The following PLXND1 variants were observed in gnomAD, a reference collection of about 807,000 sequenced individuals.
The protein encoded by PLXND1 is plexin D1.
In PLXND1, 54 loss-of-function variants were observed where a neutral mutation model predicts 197.7. That is an observed-to-expected ratio of 0.27 (90% confidence interval 0.22 to 0.34). The LOEUF is 0.34. PLXND1 is among the 10% of genes least tolerant of loss of function. PLXND1 has a pLI of 1.00. For synonymous variants in PLXND1, 1,180 were observed against 1,161.2 expected (o/e 1.02, Z -0.33); for missense variants, 2,127 against 2,699.2 (o/e 0.79, Z 4.70).
In PLXND1 at chr3:129,567,615, C is replaced by CACGG. The variant is rs1275383388; in HGVS notation, c.3974-15_3974-12dup. The CACGG allele has an allele frequency of 6.2e-7, 1 of 1,602,932 alleles. No homozygotes were observed. Among genetic ancestry groups the CACGG allele is most frequent in the African/African-American group, 1.3e-5 (1 of 74,614 alleles). ...GCAGCTCAGCGAAGCCTGGCGGACA[C>CACGG]ACGGACAGCCGTGAGCGGCCCGAGA... On this transcript the variant is annotated splice_polypyrimidine_tract_variant and intron_variant, in intron 21 of 35. Transcript: ENST00000324093.
chr3:129,561,757 G>T, intron 28 of PLXND1, 43 bp downstream of exon 28: 1 of 1,538,530 alleles, frequency 6.5e-7, no homozygotes, highest in Non-Finnish European at 8.9e-7. Flanking sequence ...GTTGGGGTGG[G>T]GGCATGAGGG....
chr3:129,606,164 A>G lies in PLXND1; in HGVS notation c.476T>C (p.Val159Ala). The G allele has an allele frequency of 6.5e-7, 1 of 1,532,152 alleles. No individual in the cohort carries two copies. The highest frequency in any genetic ancestry group is 8.7e-7 in the Non-Finnish European group (1 of 1,146,300). The allele number at this position is 1,532,152 out of a possible 1,614,324, so 94.9% of individuals were successfully genotyped here. The change falls in exon 1 of 36, where the codon GTG (valine) becomes GCG (alanine). Residue 159 changes from valine (V) to alanine (A), a missense_variant. Physicochemically the swap from Val to Ala is moderately conservative, Grantham distance 64. Around this residue, in one of 6 missense-constraint regions of PLXND1, gnomAD observed 245 missense variants for 267.1 expected, o/e 0.92. Coordinates refer to ENST00000324093, the MANE Select transcript of PLXND1 (RefSeq NM_015103.3). Reference protein sequence around the residue: ...QLRRRGNISAVAVRFPPAAPP... With the variant: ...QLRRRGNISAAAVRFPPAAPP... ...CGCGGCGGGCGGGAAGCGCACGGCC[A>G]CGGCCGAGATGTTGCCCCGGCGCCG...
At chr3:129,602,923 G>A (rs2085731921) in intron 1 of PLXND1, among the ~76,000 whole-genome samples, 1 of 152,160 alleles carries the variant, frequency 6.6e-6, no homozygotes, top group African/African-American at 2.4e-5. Context: ...AAGTTCCTTG[G>A]CCAAGGTCAC....
At chr3:129,561,506 G>A (rs1296952052) in intron 29 of PLXND1, 140 bp downstream of exon 29, 8 of 638,330 alleles carry the variant, frequency 1.3e-5, no homozygotes, top group Non-Finnish European at 1.9e-5. Flanking sequence ...GAGGAGGCTG[G>A]CCCCGCCCAG....
Position 129,561,788 on chromosome 3 carries a change from G to A in PLXND1, c.4929+12C>T. The A allele has an allele frequency of 1.4e-6, 2 of 1,450,564 alleles. No individual in the cohort carries two copies. Among genetic ancestry groups the A allele is most frequent in the Non-Finnish European group, 1.9e-6 (2 of 1,033,514 alleles). The allele number at this position is 1,450,564 out of a possible 1,614,324, so 89.9% of individuals were successfully genotyped here. ...GAGGGTGGGGAAATGGGGGCGGGGG[G>A]CAGGGCTGCACCTTGTAATGGGCCA... On this transcript the variant is annotated intron_variant, in intron 28 of 35. Transcript: ENST00000324093.
intron 5 of PLXND1, among the ~76,000 whole-genome samples, chr3:129,585,482 G>A (rs544753442): frequency 1.3e-5 from 2 of 152,318 alleles, no homozygotes; most frequent in African/African-American, 4.8e-5. Flanking sequence ...TTTCTGAGAA[G>A]GAGAAATTTC....
intron 2 of PLXND1, 41 bp downstream of exon 2, chr3:129,589,310 T>TGCCCCCCCCACCC: frequency 2.0e-6 from 1 of 501,294 alleles, no homozygotes; most frequent in Non-Finnish European, 3.8e-6. Flanking sequence ...CAGGGGAGCC[T>TGCCCCCCCCACCC]CCCACCCCCA....
chr3:129,601,376 C>T (rs866145738), intron 1 of PLXND1, among the ~76,000 whole-genome samples: 1 of 152,144 alleles, frequency 6.6e-6, no homozygotes, highest in African/African-American at 2.4e-5. Context: ...GCTGGGAACC[C>T]GGAATGTCGG....
intron 2 of PLXND1, among the ~76,000 whole-genome samples, chr3:129,586,967 G>C (rs1167418812): frequency 6.6e-6 from 1 of 152,226 alleles, no homozygotes; most frequent in South Asian, 2.1e-4. Context: ...GTGAACGTGT[G>C]CAGGCTTTGT....
In PLXND1 at chr3:129,561,674, T is replaced by G; in HGVS notation, c.4965A>C (p.Ile1655=). ...PEGASLAMSL[I]DKKDNTLGRV... ...GGCCCAGTGTGTTGTCCTTCTTGTC[T>G]ATGAGACTCATGGCCAGGGAGGCAC... Residue 1655 remains isoleucine (I), a synonymous_variant, in exon 29 of 36, where the codon ATA becomes ATC. Coordinates refer to ENST00000324093, the MANE Select transcript of PLXND1 (RefSeq NM_015103.3). 1.2e-6 allele frequency: 2 copies of G among 1,608,768 alleles called. No individual in the cohort carries two copies. Among genetic ancestry groups the G allele is most frequent in the Non-Finnish European group, 1.7e-6 (2 of 1,177,866 alleles).
chr3:129,606,194 T>C lies in PLXND1; in HGVS notation c.446A>G (p.Gln149Arg). 1 of 1,564,562 alleles carries C rather than the reference T, an allele frequency of 6.4e-7. No individual in the cohort carries two copies. The highest frequency in any genetic ancestry group is 1.2e-5 in the South Asian group (1 of 86,212). The change falls in exon 1 of 36, where the codon CAG (glutamine) becomes CGG (arginine). Residue 149 changes from glutamine (Q) to arginine (R), a missense_variant. Physicochemically the swap from Gln to Arg is conservative, Grantham distance 43. Around this residue, in one of 6 missense-constraint regions of PLXND1, gnomAD observed 245 missense variants for 267.1 expected, o/e 0.92. Transcript: ENST00000324093. ...VCGSIYQGFC[Q>R]LRRRGNISAV... ...CGAGATGTTGCCCCGGCGCCGCAGC[T>C]GGCAGAAGCCCTGGTAGATGGACCC...
intron 1 of PLXND1, among the ~76,000 whole-genome samples, chr3:129,596,267 T>C (rs1447584092): frequency 6.6e-6 from 1 of 152,098 alleles, no homozygotes; most frequent in African/African-American, 2.4e-5. Context: ...CGAGGCTGGA[T>C]GGGCTACACC....
chr3:129,583,461 A>G lies in PLXND1; in HGVS notation c.2241+106T>C, dbSNP rs1339248662. 3 of 728,440 alleles carry G rather than the reference A, an allele frequency of 4.1e-6. No homozygotes were observed. In the African/African-American group the frequency reaches 5.3e-5, roughly 13 times the overall value. The allele number at this position is 728,440 out of a possible 1,614,324, so 45.1% of individuals were successfully genotyped here. A position where few individuals can be genotyped will look rare whatever the true frequency, so the allele number is the denominator to read the frequency against. On this transcript the variant is annotated intron_variant, in intron 8 of 35. Coordinates refer to ENST00000324093, the MANE Select transcript of PLXND1 (RefSeq NM_015103.3). ...GAGCCCCATATAGCTGTCAAAGCCA[A>G]AGCTAAGGCGGAATATGCAAAGGCA...
At position 129,605,319 on chromosome 3, in the gene PLXND1, C is replaced by A; in HGVS notation, c.1311+10G>T. 7.7e-7 allele frequency: 1 copy of A among 1,302,360 alleles called. No homozygotes were observed. The highest frequency in any genetic ancestry group is 9.7e-7 in the Non-Finnish European group (1 of 1,026,256). The allele number at this position is 1,302,360 out of a possible 1,614,324, so 80.7% of individuals were successfully genotyped here. A position where few individuals can be genotyped will look rare whatever the true frequency, so the allele number is the denominator to read the frequency against. ...CCGCCGCCGCCGCCGCCGCCACCGC[C>A]CGGGTGTACCTGGATGTTGAGCTTG... On this transcript the variant is annotated intron_variant, in intron 1 of 35. Transcript: ENST00000324093.
intron 18 of PLXND1, 46 bp from the exon 19 acceptor site, chr3:129,570,981 G>A: frequency 3.1e-6 from 5 of 1,613,638 alleles, no homozygotes; most frequent in Non-Finnish European, 4.2e-6. Flanking sequence ...GTGCTCCCGA[G>A]GCCCACAGCT....
intron 1 of PLXND1, among the ~76,000 whole-genome samples, chr3:129,601,377 G>A (rs1255592944): frequency 3.9e-5 from 6 of 152,190 alleles, no homozygotes; most frequent in African/African-American, 7.2e-5. Context: ...CTGGGAACCC[G>A]GAATGTCGGG....
At chr3:129,571,628 C>T (rs2085231432) in intron 16 of PLXND1, 29 bp from the exon 17 acceptor site, 3 of 1,613,802 alleles carry the variant, frequency 1.9e-6, no homozygotes, top group Non-Finnish European at 2.5e-6. Flanking sequence ...CCTATCAGTG[C>T]ACCTGCAGCC....
Position 129,556,434 on chromosome 3 carries a change from G to C in PLXND1, c.5662-6C>G. On this transcript the variant is annotated splice_polypyrimidine_tract_variant and splice_region_variant and intron_variant, in intron 35 of 35. Coordinates refer to ENST00000324093, the MANE Select transcript of PLXND1 (RefSeq NM_015103.3). The stretch of plus-strand genomic sequence containing the variant: ...GCCTCCAGCGCGGCCATGATCTGAG[G>C]GGAGCAGCGGAGTCAGCCGGGCCAT... The C allele has an allele frequency of 6.2e-7, 1 of 1,609,616 alleles. No homozygotes were observed.
At chr3:129,564,784 G>A (rs932532721) in intron 25 of PLXND1, among the ~76,000 whole-genome samples, 2 of 152,176 alleles carry the variant, frequency 1.3e-5, no homozygotes, top group Non-Finnish European at 2.9e-5. Context: ...CCCTCCTCCC[G>A]GCCTCTGCCC....
Sources: gnomAD v4.1 joint callset for allele counts (sites outside exome capture counted in the v4.1 genomes callset) on GRCh38, gnomAD v4.1.1 for gene constraint, gnomAD v4.1.1 regional missense constraint, MANE v1.5 for transcripts, NCBI Gene and HGNC (gene_info 2026-07-23, HGNC 2026-07-21) for gene names.